Variants in UBXN2B observed in about 807,000 individuals in gnomAD.
UBXN2B encodes UBX domain-containing protein 2B.
In UBXN2B, 19 loss-of-function variants were observed where a neutral mutation model predicts 37.5. The observed-to-expected ratio is 0.51, with a 90% confidence interval of 0.35 to 0.74. The LOEUF (loss-of-function observed/expected upper bound fraction) is 0.74, where lower values mean the gene tolerates loss of function less well. UBXN2B is among the 30% of genes least tolerant of loss of function. UBXN2B has a pLI of 0.01. For missense variants in UBXN2B, 370 were observed against 393.2 expected (o/e 0.94, Z 0.50); for synonymous variants, 145 against 143.8 (o/e 1.01, Z -0.06).
At chr8:58,424,865 C>G in intron 2 of UBXN2B, 1 of 1,245,398 alleles carries the variant, frequency 8.0e-7, no homozygotes, top group Non-Finnish European at 1.2e-6. Flanking sequence ...TGGACCATCC[C>G]TGACCTCTGA....
At chr8:58,421,144 C>T (rs752417519) in intron 2 of UBXN2B, among the ~76,000 whole-genome samples, 1 of 152,070 alleles carries the variant, frequency 6.6e-6, no homozygotes, top group South Asian at 2.1e-4. Context: ...ATAAAATTAC[C>T]TCTAAAAACA....
intron 5 of UBXN2B, 137 bp from the exon 6 acceptor site, chr8:58,439,496 A>G: frequency 9.7e-7 from 1 of 1,033,414 alleles, no homozygotes; most frequent in Non-Finnish European, 1.3e-6. Context: ...ATCAGTCATT[A>G]TGGAAATTTT....
intron 6 of UBXN2B, among the ~76,000 whole-genome samples, chr8:58,440,888 ATGTTGAC>A (rs1808520942): frequency 6.6e-6 from 1 of 152,162 alleles, no homozygotes; most frequent in African/African-American, 2.4e-5. Flanking sequence ...ACAGGAATTT[ATGTTGAC>A]CTGTTTTTCT....
At position 58,451,032 on chromosome 8, in the gene UBXN2B, G is replaced by A. The variant is rs1808789679; in HGVS notation, c.*3481G>A. ...CCAGGGGTAAAACAACTTTTTCATG[G>A]GTCAAAATCATCTTCCGAAGAAAAT... On this transcript the variant is annotated 3_prime_UTR_variant, in exon 8 of 8. Transcript: ENST00000399598. The A allele has an allele frequency of 6.6e-6, 1 of 152,438 alleles. No individual in the cohort carries two copies. The highest frequency in any genetic ancestry group is 6.6e-5 in the Admixed American group (1 of 15,252). The allele number at this position is 152,438 out of a possible 1,614,324, so 9.4% of individuals were successfully genotyped here.
At chr8:58,443,512 C>G (rs1808599219) in intron 6 of UBXN2B, among the ~76,000 whole-genome samples, 1 of 151,474 alleles carries the variant, frequency 6.6e-6, no homozygotes, top group African/African-American at 2.4e-5. Context: ...ACATAACTTG[C>G]ATGGGCACAG....
chr8:58,441,381 ATATG>A (rs1322405481), intron 6 of UBXN2B, among the ~76,000 whole-genome samples: 4 of 149,036 alleles, frequency 2.7e-5, no homozygotes, highest in Admixed American at 6.7e-5. Context: ...ATGTGTATAT[ATATG>A]TATGTATGTG....
At chr8:58,440,547 A>G (rs1409076607) in intron 6 of UBXN2B, among the ~76,000 whole-genome samples, 1 of 152,210 alleles carries the variant, frequency 6.6e-6, no homozygotes, top group Non-Finnish European at 1.5e-5. Context: ...TTTCCTTTAT[A>G]ATACCCATGG....
chr8:58,445,254 T>C (rs1302473748), intron 6 of UBXN2B, among the ~76,000 whole-genome samples: 2 of 152,216 alleles, frequency 1.3e-5, no homozygotes, highest in African/African-American at 4.8e-5. Context: ...TGGTAAGATA[T>C]TCTATCAAGC....
chr8:58,435,069 T>A, intron 5 of UBXN2B: 1 of 1,440,620 alleles, frequency 6.9e-7, no homozygotes, highest in Non-Finnish European at 9.1e-7. Flanking sequence ...GTGATTTTGC[T>A]ATGATAATAA....
At chr8:58,424,865 C>T in intron 2 of UBXN2B, 1 of 1,245,398 alleles carries the variant, frequency 8.0e-7, no homozygotes, top group Non-Finnish European at 1.2e-6. Flanking sequence ...TGGACCATCC[C>T]TGACCTCTGA....
rs771560356 is a variant in UBXN2B, at chr8:58,447,552, T to G, written c.*1T>G. The G allele has an allele frequency of 6.2e-7, 1 of 1,608,206 alleles. No homozygotes were observed. Among genetic ancestry groups the G allele is most frequent in the Non-Finnish European group, 8.5e-7 (1 of 1,176,492 alleles). ...TGTGTTACTCCAGCAACTAAAATAA[T>G]ATTGTTCCTGTCCATGCAGTAGCAT... is the stretch of plus-strand genomic sequence containing the variant. On this transcript the variant is annotated 3_prime_UTR_variant, in exon 8 of 8. Transcript: ENST00000399598.
Position 58,411,430 on chromosome 8 carries a change from G to A in UBXN2B, c.45G>A (p.Arg15=), listed in dbSNP as rs1807632799. Residue 15 remains arginine, a synonymous_variant, in exon 1 of 8, where the codon AGG becomes AGA. Transcript: ENST00000399598. ...GGPEPGEQER[R]SSGPRPPSAR... ...CTGAGCCCGGCGAGCAGGAGAGGAG[G>A]TCTTCCGGGCCGCGGCCTCCGAGCG... 7.9e-7 allele frequency: 1 copy of A among 1,264,460 alleles called. No individual in the cohort carries two copies. The highest frequency in any genetic ancestry group is 1.0e-6 in the Non-Finnish European group (1 of 999,328). The allele number at this position is 1,264,460 out of a possible 1,614,324, so 78.3% of individuals were successfully genotyped here.
chr8:58,433,168 A>C lies in UBXN2B; in HGVS notation c.348A>C (p.Thr116=). 1 of 1,611,306 alleles carries C rather than the reference A, an allele frequency of 6.2e-7. No individual in the cohort carries two copies. Among genetic ancestry groups the C allele is most frequent in the Non-Finnish European group, 8.5e-7 (1 of 1,178,350 alleles). ...CTTGCTATGTATTTTAGTCATTTAC[A>C]GGTGGAGGATACAGATTGGGTAGTT... is the stretch of plus-strand genomic sequence containing the variant. The part of the protein sequence containing the change: ...ASGDDKSKSF[T]GGGYRLGSSF... Residue 116 remains threonine, a synonymous_variant, in exon 4 of 8, where the codon ACA becomes ACC. Coordinates refer to ENST00000399598, the MANE Select transcript of UBXN2B (RefSeq NM_001077619.2).
intron 2 of UBXN2B, among the ~76,000 whole-genome samples, chr8:58,423,340 C>A (rs1210306458): frequency 6.6e-6 from 1 of 152,164 alleles, no homozygotes; most frequent in Non-Finnish European, 1.5e-5. Flanking sequence ...CGCCAACCTG[C>A]TGACCATATG....
chr8:58,426,830 G>A (rs1389257287), intron 2 of UBXN2B: 1 of 574,598 alleles, frequency 1.7e-6, no homozygotes, highest in South Asian at 1.6e-5. Flanking sequence ...CCCCCCTCCA[G>A]GCCTGGGGAT....
At chr8:58,447,149 C>T (rs1385017223) in intron 7 of UBXN2B, among the ~76,000 whole-genome samples, 1 of 152,066 alleles carries the variant, frequency 6.6e-6, no homozygotes, top group African/African-American at 2.4e-5. Context: ...TTATTCATAA[C>T]TTACCTGAAG....
chr8:58,450,477 C>G lies in UBXN2B; in HGVS notation c.*2926C>G, dbSNP rs573326720. 2 of 152,356 alleles carry G rather than the reference C, an allele frequency of 1.3e-5. No homozygotes were observed. Among genetic ancestry groups the G allele is most frequent in the Non-Finnish European group, 2.9e-5 (2 of 68,048 alleles). 9.4% of individuals were successfully genotyped at this position (152,356 alleles called of 1,614,324 possible). ...ATATTCCTCATTTTTTACCAACAGT[C>G]TATTCATGATGATTTAGATATTCTA... On this transcript the variant is annotated 3_prime_UTR_variant, in exon 8 of 8. Coordinates refer to ENST00000399598, the MANE Select transcript of UBXN2B (RefSeq NM_001077619.2).
chr8:58,426,452 CCCT>C (rs1808093274), intron 2 of UBXN2B: 2 of 660,602 alleles, frequency 3.0e-6, no homozygotes, highest in Admixed American at 3.9e-5. Flanking sequence ...TTGTGATCCG[CCCT>C]CCTCAGCCTC....
intron 6 of UBXN2B, among the ~76,000 whole-genome samples, chr8:58,442,293 A>T (rs993409928): frequency 1.3e-5 from 2 of 152,222 alleles, no homozygotes; most frequent in Non-Finnish European, 2.9e-5. Flanking sequence ...TGAATAAGCA[A>T]ATATCATATA....
Sources: gnomAD v4.1 joint callset for allele counts (sites outside exome capture counted in the v4.1 genomes callset) on GRCh38, gnomAD v4.1.1 for gene constraint, MANE v1.5 for transcripts, NCBI Gene and HGNC (gene_info 2026-07-23, HGNC 2026-07-21) for gene names.